Variants in LRRC4C observed in about 807,000 individuals in gnomAD.
LRRC4C encodes the protein leucine rich repeat containing 4C.
A neutral mutation model predicts 33.6 loss-of-function variants in LRRC4C; 5 were observed. The ratio of observed to expected loss-of-function variants is 0.15; its 90% CI spans 0.08 to 0.31. LRRC4C has a LOEUF of 0.31. Ranked by LOEUF, LRRC4C falls within the 10% of genes least tolerant of loss-of-function variation. The pLI is 1.00. For synonymous variants in LRRC4C, 329 were observed against 302.0 expected (o/e 1.09, Z -0.93); for missense variants, 560 against 796.7 (o/e 0.70, Z 3.58).
intron 2 of LRRC4C, among the ~76,000 whole-genome samples, chr11:40,772,854 T>C (rs1390217377): frequency 1.3e-5 from 2 of 152,162 alleles, no homozygotes; most frequent in East Asian, 3.9e-4. Flanking sequence ...GATAGGTATA[T>C]ACACAAAACA....
intron 4 of LRRC4C, among the ~76,000 whole-genome samples, chr11:40,258,988 T>C (rs1867452504): frequency 6.6e-6 from 1 of 152,208 alleles, no homozygotes; most frequent in Non-Finnish European, 1.5e-5. Flanking sequence ...ATACCTGGCA[T>C]GTATTAACTT....
rs7925815 is a variant in LRRC4C at position 40,128,778 on chromosome 11, A to G, written c.-43+12023T>C. On this transcript the variant is annotated intron_variant, in intron 6 of 6. Transcript: ENST00000528697. ...TGTACTAGGATTCCCTCTGCCTGCA[A>G]TGTGTATCCTTTGATTTTTGCGTGG... Among the ~76,000 whole-genome samples the G allele has an allele frequency of 9.6e-3, 1,457 of 152,166 alleles. 20 individuals carry two copies. Among genetic ancestry groups the G allele is most frequent in the African/African-American group, 0.033 (1,384 of 41,520 alleles).
intron 1 of LRRC4C, among the ~76,000 whole-genome samples, chr11:41,369,923 G>T (rs1952682611): frequency 1.3e-5 from 2 of 152,320 alleles, no homozygotes; most frequent in South Asian, 4.1e-4. Flanking sequence ...CACTTTAGGT[G>T]AGAGCTAATG....
intron 1 of LRRC4C, among the ~76,000 whole-genome samples, chr11:41,190,490 C>T (rs1011940735): frequency 2.7e-4 from 41 of 152,250 alleles, no homozygotes; most frequent in African/African-American, 8.9e-4. Context: ...AGCACAATGC[C>T]AGGTGCTCAG....
chr11:41,012,664 G>A (rs1217237009), intron 1 of LRRC4C, among the ~76,000 whole-genome samples: 2 of 152,150 alleles, frequency 1.3e-5, no homozygotes, highest in African/African-American at 2.4e-5. Flanking sequence ...CCTCCATAGA[G>A]TTTTACATAG....
chr11:40,805,499 T>G (rs1951205570), intron 2 of LRRC4C, among the ~76,000 whole-genome samples: 1 of 152,228 alleles, frequency 6.6e-6, no homozygotes, highest in South Asian at 2.1e-4. Context: ...ACTCTATTTT[T>G]ATGCAGTTCT....
intron 3 of LRRC4C, among the ~76,000 whole-genome samples, chr11:40,518,655 G>A (rs551763636): frequency 3.3e-5 from 5 of 152,174 alleles, no homozygotes; most frequent in Non-Finnish European, 7.3e-5. Context: ...GTTGGTGGGA[G>A]TGTAAATTAG....
chr11:40,921,438 A>G (rs1180646623), intron 2 of LRRC4C, among the ~76,000 whole-genome samples: 1 of 152,152 alleles, frequency 6.6e-6, no homozygotes, highest in Non-Finnish European at 1.5e-5. Context: ...GCTCAGTCCT[A>G]CAGCTGCAAA....
intron 1 of LRRC4C, among the ~76,000 whole-genome samples, chr11:41,092,160 AT>A (rs1033907224): frequency 2.0e-5 from 3 of 152,032 alleles, no homozygotes; most frequent in Non-Finnish European, 4.4e-5. Flanking sequence ...GAATATTGCC[AT>A]TTTTTGTATG....
chr11:40,998,411 C>T (rs1346000539), intron 1 of LRRC4C, among the ~76,000 whole-genome samples: 1 of 151,996 alleles, frequency 6.6e-6, no homozygotes, highest in Admixed American at 6.6e-5. Flanking sequence ...AATCTGGGAT[C>T]TAATAAAAAA....
intron 3 of LRRC4C, among the ~76,000 whole-genome samples, chr11:40,628,669 T>C (rs909595006): frequency 1.3e-5 from 2 of 152,132 alleles, no homozygotes; most frequent in Non-Finnish European, 2.9e-5. Context: ...AGGCAACACA[T>C]TTCAGATCTA....
chr11:41,450,256 T>C (rs1430118154), intron 1 of LRRC4C, among the ~76,000 whole-genome samples: 1 of 152,118 alleles, frequency 6.6e-6, no homozygotes, highest in Non-Finnish European at 1.5e-5. Flanking sequence ...GAAGAGAAAC[T>C]GAGGACACTA....
intron 1 of LRRC4C, among the ~76,000 whole-genome samples, chr11:41,205,079 T>C (rs1229928206): frequency 6.6e-6 from 1 of 152,118 alleles, no homozygotes; most frequent in African/African-American, 2.4e-5. Context: ...AATCCCTGAA[T>C]ATATCCAAAG....
intron 1 of LRRC4C, among the ~76,000 whole-genome samples, chr11:41,240,181 T>A (rs1443130928): frequency 6.6e-6 from 1 of 152,172 alleles, no homozygotes; most frequent in Non-Finnish European, 1.5e-5. Context: ...AACTTTAGAT[T>A]TTTTGTGTAT....
At chr11:40,315,990 T>C (rs1421714376) in intron 4 of LRRC4C, among the ~76,000 whole-genome samples, 1 of 152,040 alleles carries the variant, frequency 6.6e-6, no homozygotes, top group Non-Finnish European at 1.5e-5. Context: ...ATCATGGGAA[T>C]GTGGGCATGT....
intron 1 of LRRC4C, among the ~76,000 whole-genome samples, chr11:41,083,118 G>T (rs1939702488): frequency 6.6e-6 from 1 of 151,986 alleles, no homozygotes; most frequent in Non-Finnish European, 1.5e-5. Context: ...ATATTTTTGA[G>T]TACATTTTGA....
In LRRC4C at chr11:40,608,801, G is replaced by A. The variant is rs1017262547; in HGVS notation, c.-270+39341C>T. ...AGCCATAGCTACATCAAAGAAAAGA[G>A]ACTTTAAATCCAAAATGACACAAGA... On this transcript the variant is annotated intron_variant, in intron 3 of 6. Transcript: ENST00000528697. Among the ~76,000 whole-genome samples the A allele has an allele frequency of 5.3e-5, 8 of 152,114 alleles. No individual in the cohort carries two copies. The South Asian group carries it at 1.7e-3, about 32-fold the overall frequency.
intron 2 of LRRC4C, among the ~76,000 whole-genome samples, chr11:40,928,751 A>G (rs958909388): frequency 6.6e-6 from 1 of 152,190 alleles, no homozygotes; most frequent in Non-Finnish European, 1.5e-5. Flanking sequence ...TCTTTGACCT[A>G]TGAATAAAAA....
chr11:40,822,303 A>T (rs1591808832), intron 2 of LRRC4C, among the ~76,000 whole-genome samples: 1 of 148,600 alleles, frequency 6.7e-6, no homozygotes. Context: ...CTCTACTTCT[A>T]TCCATGTTTC....
Sources: gnomAD v4.1 joint callset for allele counts (sites outside exome capture counted in the v4.1 genomes callset) on GRCh38, gnomAD v4.1.1 for gene constraint, MANE v1.5 for transcripts, NCBI Gene and HGNC (gene_info 2026-07-23, HGNC 2026-07-21) for gene names.